The following STRIP2 variants were observed in gnomAD, a reference collection of about 807,000 sequenced individuals.
STRIP2 encodes the protein striatin interacting protein 2, also known as striatin-interacting protein 2.
Under a neutral mutation model 107.1 loss-of-function variants are expected in STRIP2, and 84 were observed. That is an observed-to-expected ratio of 0.78 (90% CI 0.66 to 0.94). The LOEUF (loss-of-function observed/expected upper bound fraction) is 0.94. Among genes scored for constraint, STRIP2 ranks in the 40% least tolerant of loss-of-function variants. The pLI, the probability that STRIP2 is intolerant of heterozygous loss-of-function variation, is 0.00. For synonymous variants in STRIP2, 394 were observed against 400.4 expected, an observed-to-expected ratio of 0.98 and a Z score of 0.19; for missense variants, 888 against 1,034.2, an observed-to-expected ratio of 0.86 and a Z score of 1.94.
chr7:129,463,811 T>C (rs535484871), intron 14 of STRIP2, among the ~76,000 whole-genome samples: 1 of 152,278 alleles, frequency 6.6e-6, no homozygotes, highest in African/African-American at 2.4e-5. Context: ...AGAACAGTCT[T>C]GAAGCATAAC....
chr7:129,447,457 A>G (rs545905286), intron 3 of STRIP2, among the ~76,000 whole-genome samples: 28 of 152,320 alleles, frequency 1.8e-4, no homozygotes, highest in South Asian at 1.0e-3. Flanking sequence ...CTGGCACACA[A>G]ATGTCTCACC....
chr7:129,439,972 AC>A, intron 1 of STRIP2, 49 bp from the exon 2 acceptor site: 1 of 1,465,388 alleles, frequency 6.8e-7, no homozygotes. Context: ...TCCCTTGGCA[AC>A]CCCTTTTTCC....
intron 9 of STRIP2, 22 bp downstream of exon 9, chr7:129,456,664 G>A: frequency 1.9e-6 from 3 of 1,603,306 alleles, no homozygotes; most frequent in Non-Finnish European, 2.6e-6. Flanking sequence ...AGCAGACAAT[G>A]GTATTGGGAC....
chr7:129,460,425 G>A (rs1416616711), intron 13 of STRIP2, 53 bp downstream of exon 13: 1 of 1,481,770 alleles, frequency 6.7e-7, no homozygotes, highest in Admixed American at 1.8e-5. Context: ...CCTGTCTTCA[G>A]TGTTGTCACA....
At chr7:129,479,050 G>A (rs1233123216) in intron 18 of STRIP2, among the ~76,000 whole-genome samples, 1 of 152,142 alleles carries the variant, frequency 6.6e-6, no homozygotes, top group African/African-American at 2.4e-5. Flanking sequence ...TGAGGGAGGT[G>A]GATCACCTGA....
At chr7:129,455,950 A>G (rs1461011168) in intron 8 of STRIP2, among the ~76,000 whole-genome samples, 1 of 152,170 alleles carries the variant, frequency 6.6e-6, no homozygotes, top group Non-Finnish European at 1.5e-5. Context: ...TGCTTTTTAA[A>G]AAATAATGAA....
At chr7:129,467,295 T>C in intron 16 of STRIP2, 55 bp from the exon 17 acceptor site, 3 of 1,282,916 alleles carry the variant, frequency 2.3e-6, no homozygotes, top group Non-Finnish European at 3.4e-6. Flanking sequence ...TTTTCAAACA[T>C]ACTTTCCATT....
intron 18 of STRIP2, among the ~76,000 whole-genome samples, chr7:129,473,940 A>G (rs1356604623): frequency 2.0e-5 from 3 of 151,916 alleles, no homozygotes; most frequent in Non-Finnish European, 4.4e-5. Context: ...GATGGTCTCA[A>G]TTTCCTGACC....
intron 18 of STRIP2, among the ~76,000 whole-genome samples, chr7:129,473,833 T>C (rs1798851642): frequency 6.6e-6 from 1 of 152,178 alleles, no homozygotes; most frequent in South Asian, 2.1e-4. Context: ...TTCTTCTGCC[T>C]CAGCCTTCCG....
chr7:129,454,590 T>C (rs1798292314), intron 7 of STRIP2, 63 bp downstream of exon 7: 1 of 1,056,304 alleles, frequency 9.5e-7, no homozygotes, highest in African/African-American at 1.6e-5. Context: ...AAGCAGAGCA[T>C]CTGCCTAGGA....
intron 3 of STRIP2, among the ~76,000 whole-genome samples, chr7:129,450,293 C>A (rs989732390): frequency 3.3e-5 from 5 of 152,104 alleles, no homozygotes; most frequent in African/African-American, 1.2e-4. Context: ...TATATATTAA[C>A]CTTCACACCC....
chr7:129,449,974 G>T (rs2150993502), intron 3 of STRIP2, among the ~76,000 whole-genome samples: 1 of 152,236 alleles, frequency 6.6e-6, no homozygotes, highest in Admixed American at 6.5e-5. Context: ...TCCACATATG[G>T]TCAAAGGTAT....
Position 129,454,128 on chromosome 7 carries a change from T to C in STRIP2, c.531-14T>C, listed in dbSNP as rs1297385932. ...GTCTTATGCATTCCTGTTCTTTTTC[T>C]CCTCCCCTGGCAGCAACAGCCAGGC... On this transcript the variant is annotated splice_polypyrimidine_tract_variant and intron_variant, in intron 5 of 20. Coordinates refer to ENST00000249344, the MANE Select transcript of STRIP2 (RefSeq NM_020704.3). The C allele has an allele frequency of 6.2e-7, 1 of 1,613,610 alleles. No individual in the cohort carries two copies. Among genetic ancestry groups the C allele is most frequent in the East Asian group, 2.2e-5 (1 of 44,874 alleles).
At chr7:129,454,395 C>T (rs745417247) in intron 6 of STRIP2, 26 bp from the exon 7 acceptor site, 1 of 1,585,654 alleles carries the variant, frequency 6.3e-7, no homozygotes. Flanking sequence ...CCTTGGGAAC[C>T]TCTTGTGACT....
chr7:129,472,775 CCTTTTTTTTTTTT>C (rs1222971878), intron 18 of STRIP2, among the ~76,000 whole-genome samples: 1 of 68,904 alleles, frequency 1.5e-5, no homozygotes. Context: ...CTTTTCTTTT[CCTTTTTTTTTTTT>C]TTTTTTTTTT....
chr7:129,446,663 A>G (rs956312308), intron 3 of STRIP2, among the ~76,000 whole-genome samples: 3 of 152,138 alleles, frequency 2.0e-5, no homozygotes, highest in Non-Finnish European at 2.9e-5. Flanking sequence ...GTCAACTTAT[A>G]GGGAGCTCCC....
At chr7:129,464,285 G>A (rs146339085) in intron 15 of STRIP2, 144 bp downstream of exon 15, 35 of 694,806 alleles carry the variant, frequency 5.0e-5, no homozygotes, top group Middle Eastern at 4.0e-4. Flanking sequence ...CCCCTTTCCC[G>A]TACAGGGCTT....
chr7:129,467,371 T>C lies in STRIP2; in HGVS notation c.1798T>C (p.Leu600=), dbSNP rs756583816. 1 of 1,613,734 alleles carries C rather than the reference T, an allele frequency of 6.2e-7. No homozygotes were observed. The highest frequency in any genetic ancestry group is 1.7e-5 in the Admixed American group (1 of 60,020). Residue 600 remains leucine (L), a synonymous_variant, in exon 17 of 21, where the codon TTG becomes CTG. Transcript: ENST00000249344. The part of the protein sequence containing the change: ...IYQFEYVSQH[L]VFANCIPLIL... ...TCAGTTTGAATATGTATCGCAACAT[T>C]TGGTATTTGCCAACTGCATCCCCTT...
chr7:129,471,790 A>G (rs1798794135), intron 18 of STRIP2, among the ~76,000 whole-genome samples: 1 of 152,274 alleles, frequency 6.6e-6, no homozygotes. Context: ...GACATGAGTC[A>G]AAAGACCCAT....
Sources: gnomAD v4.1 joint callset for allele counts (sites outside exome capture counted in the v4.1 genomes callset) on GRCh38, gnomAD v4.1.1 for gene constraint, MANE v1.5 for transcripts, NCBI Gene and HGNC (gene_info 2026-07-23, HGNC 2026-07-21) for gene names.